The following KLHL15 variants were observed in gnomAD, a reference collection of about 807,000 sequenced individuals.
KLHL15 encodes the protein kelch-like protein 15.
A neutral mutation model predicts 29.3 loss-of-function variants in KLHL15; 1 was observed. The observed-to-expected ratio is 0.03, with a 90% CI of 0.01 to 0.16. The LOEUF is 0.16. Among genes scored for constraint, KLHL15 ranks in the 10% least tolerant of loss-of-function variants. The pLI, the probability that KLHL15 is intolerant of heterozygous loss-of-function variation, is 1.00. For missense variants in KLHL15, 215 were observed against 478.5 expected, an observed-to-expected ratio of 0.45 and a Z score of 5.14; for synonymous variants, 212 against 184.5, an observed-to-expected ratio of 1.15 and a Z score of -1.21.
At chrX:24,022,578 G>C (rs768793943) in intron 2 of KLHL15, among the ~76,000 whole-genome samples, 121 of 105,795 alleles carry the variant, frequency 1.1e-3, no homozygotes, top group African/African-American at 4.2e-3. Context: ...AGGTTCCAAT[G>C]AGCGGGGATC....
chrX:24,015,109 T>G, intron 2 of KLHL15, among the ~76,000 whole-genome samples: 1 of 112,237 alleles, frequency 8.9e-6, no homozygotes, highest in Middle Eastern at 4.6e-3. Flanking sequence ...TCTTCCTCTT[T>G]ACTACCTTAG....
chrX:23,985,852 T>C lies in KLHL15; in HGVS notation c.*2069A>G, dbSNP rs774668784. The C allele has an allele frequency of 1.3e-4, 15 of 111,461 alleles. No individual in the cohort carries two copies. Among genetic ancestry groups the C allele is most frequent in the Admixed American group, 7.7e-4 (8 of 10,411 alleles). 9.2% of individuals were successfully genotyped at this position (111,461 alleles called of 1,213,427 possible). A position where few individuals can be genotyped will look rare whatever the true frequency, so the allele number is the denominator to read the frequency against. ...AGACGTTATTTTCTTTAAAGCAAAA[T>C]AGCACACATACAAAGCCACTAAACT... On this transcript the variant is annotated 3_prime_UTR_variant, in exon 4 of 4. Coordinates refer to ENST00000328046, the MANE Select transcript of KLHL15 (RefSeq NM_030624.3).
intron 2 of KLHL15, among the ~76,000 whole-genome samples, chrX:24,013,984 T>A (rs1259968793): frequency 9.0e-6 from 1 of 110,680 alleles, no homozygotes; most frequent in African/African-American, 3.3e-5. Flanking sequence ...GCTGTATTGG[T>A]CTGCAGGGAG....
intron 2 of KLHL15, among the ~76,000 whole-genome samples, chrX:24,007,034 A>T (rs1159161963): frequency 9.5e-6 from 1 of 105,200 alleles, no homozygotes; most frequent in Non-Finnish European, 2.0e-5. Flanking sequence ...TAATAACAAT[A>T]AAAAAAAAAG....
Position 24,006,070 on chromosome X carries a change from A to G in KLHL15, c.624T>C (p.Asp208=). 8.3e-7 allele frequency: 1 copy of G among 1,211,507 alleles called. No individual in the cohort carries two copies. The highest frequency in any genetic ancestry group is 1.7e-5 in the African/African-American group (1 of 57,719). The part of the protein sequence containing the change: ...YEAVQSWLRH[D]RRRWRHTDTI... ...TATCGGTATGTCTCCAGCGTCTTCT[A>G]TCATGCCGCAGCCAAGACTGCACAG... Residue 208 remains aspartate, a synonymous_variant, in exon 3 of 4, where the codon GAT becomes GAC. Transcript: ENST00000328046.
At chrX:23,993,152 G>C (rs905357572) in intron 3 of KLHL15, among the ~76,000 whole-genome samples, 2 of 111,948 alleles carry the variant, frequency 1.8e-5, no homozygotes, top group African/African-American at 6.5e-5. Flanking sequence ...AAACTAGCTA[G>C]TTATTCTCAG....
At chrX:24,000,999 T>G (rs187005837) in intron 3 of KLHL15, among the ~76,000 whole-genome samples, 17 of 112,500 alleles carry the variant, frequency 1.5e-4, no homozygotes, top group African/African-American at 4.8e-4. Flanking sequence ...TTGTGAATAT[T>G]CTTATAATAA....
At chrX:23,997,246 C>G (rs1929208995) in intron 3 of KLHL15, among the ~76,000 whole-genome samples, 1 of 112,099 alleles carries the variant, frequency 8.9e-6, no homozygotes, top group South Asian at 3.6e-4. Context: ...TAATTTCCTT[C>G]AAATTTCAGT....
chrX:24,010,250 A>G (rs1333124149), intron 2 of KLHL15, among the ~76,000 whole-genome samples: 2 of 111,182 alleles, frequency 1.8e-5, no homozygotes, highest in Non-Finnish European at 3.8e-5. Context: ...CACTTGGTCT[A>G]TCATCTCCTA....
intron 2 of KLHL15, among the ~76,000 whole-genome samples, chrX:24,009,922 G>A (rs931415381): frequency 8.8e-5 from 9 of 102,300 alleles, no homozygotes; most frequent in Non-Finnish European, 1.2e-4. Context: ...CCTGGGAGAC[G>A]GAGGCTGCAG....
chrX:24,016,859 T>G (rs777248253), intron 2 of KLHL15, among the ~76,000 whole-genome samples: 2 of 110,648 alleles, frequency 1.8e-5, no homozygotes, highest in Non-Finnish European at 3.8e-5. Context: ...CTAGTTAACT[T>G]TGAAGAAACC....
intron 3 of KLHL15, among the ~76,000 whole-genome samples, chrX:23,989,718 G>A (rs1464228363): frequency 6.3e-5 from 7 of 111,153 alleles, no homozygotes; most frequent in Admixed American, 1.9e-4. Context: ...GTAAAATTTC[G>A]GGGTTTTGAC....
At chrX:24,009,968 C>T (rs147792612) in intron 2 of KLHL15, among the ~76,000 whole-genome samples, 2,271 of 80,413 alleles carry the variant, frequency 0.028, 99 homozygotes, top group African/African-American at 0.1. Flanking sequence ...CCAGCCTGGG[C>T]AACAGAGCAA....
Position 23,987,259 on chromosome X carries a change from G to C in KLHL15, c.*662C>G, listed in dbSNP as rs1364959956. The C allele has an allele frequency of 8.9e-6, 1 of 112,003 alleles. No individual in the cohort carries two copies. The highest frequency in any genetic ancestry group is 3.2e-5 in the African/African-American group (1 of 30,903). 9.2% of individuals were successfully genotyped at this position (112,003 alleles called of 1,213,427 possible). The stretch of plus-strand genomic sequence containing the variant: ...TATGGCGAACTGTGTGTGCAAGTAA[G>C]TGCACTAGCTTAAAAATATAGAATC... On this transcript the variant is annotated 3_prime_UTR_variant, in exon 4 of 4. Transcript: ENST00000328046.
rs1287573950 is a variant in KLHL15, at chrX:24,011,643, C to CA, written c.-7-4944dup. Among the ~76,000 whole-genome samples, 53 of 100,312 alleles carry CA rather than the reference C, an allele frequency of 5.3e-4. No individual in the cohort carries two copies. In the East Asian group the frequency reaches 0.011, roughly 21 times the overall value. 87.1% of individuals were successfully genotyped at this position (100,312 alleles called of 115,157 possible). The stretch of plus-strand genomic sequence containing the variant: ...TGGGCAACAGGGCAAGACTCTGTCT[C>CA]AAAAAAAAAATCAGCTGGGCATGGT... On this transcript the variant is annotated intron_variant, in intron 2 of 3. Coordinates refer to ENST00000328046, the MANE Select transcript of KLHL15 (RefSeq NM_030624.3).
chrX:24,009,310 C>T (rs1219047553), intron 2 of KLHL15, among the ~76,000 whole-genome samples: 2 of 110,163 alleles, frequency 1.8e-5, no homozygotes, highest in Non-Finnish European at 3.8e-5. Flanking sequence ...CCAGCCTGGC[C>T]AACATGGTGA....
Position 24,006,255 on chromosome X carries a change from T to C in KLHL15, c.439A>G (p.Ile147Val). 8.3e-7 allele frequency: 1 copy of C among 1,211,772 alleles called. No homozygotes were observed. The highest frequency in any genetic ancestry group is 1.8e-5 in the South Asian group (1 of 56,974). ...TCTAACTTCTCCCTGACTCCCTCGA[T>C]GTTTACGCCGAAATCATCTAAGAGT... is the stretch of plus-strand genomic sequence containing the variant. ...MRLLDDFGVN[I>V]EGVREKLDTF... The change falls in exon 3 of 4, where the codon ATC (isoleucine) becomes GTC (valine). Residue 147 changes from isoleucine (I) to valine (V), a missense_variant. Coordinates refer to ENST00000328046, the MANE Select transcript of KLHL15 (RefSeq NM_030624.3).
In KLHL15 at chrX:23,997,754, A is replaced by AATTT. The variant is rs1555975594; in HGVS notation, c.705+8234_705+8235insAAAT. Among the ~76,000 whole-genome samples, 283 of 67,150 alleles carry AATTT rather than the reference A, an allele frequency of 4.2e-3. 2 individuals are homozygous for AATTT. Among genetic ancestry groups the AATTT allele is most frequent in the Non-Finnish European group, 5.9e-3 (251 of 42,418 alleles). The allele number at this position is 67,150 out of a possible 115,157, so 58.3% of individuals were successfully genotyped here. ...TCAAAAAAAAAAAAAAAAAAAAAAAATTTTTTTTTTTTAAATTTTAGAAAA... is the reference window on the plus strand; with the variant it reads ...TCAAAAAAAAAAAAAAAAAAAAAAAAATTTTTTTTTTTTTTTAAATTTTAGAAAA... On this transcript the variant is annotated intron_variant, in intron 3 of 3. Coordinates refer to ENST00000328046, the MANE Select transcript of KLHL15 (RefSeq NM_030624.3).
At chrX:23,989,823 T>C (rs188618649) in intron 3 of KLHL15, among the ~76,000 whole-genome samples, 2 of 110,438 alleles carry the variant, frequency 1.8e-5, no homozygotes, top group Non-Finnish European at 1.9e-5. Context: ...AAAATTATTA[T>C]TACTATATAT....
Sources: gnomAD v4.1 joint callset for allele counts (sites outside exome capture counted in the v4.1 genomes callset) on GRCh38, gnomAD v4.1.1 for gene constraint, MANE v1.5 for transcripts, NCBI Gene and HGNC (gene_info 2026-07-23, HGNC 2026-07-21) for gene names.